The following NFATC4 variants were observed in gnomAD, a reference collection of about 807,000 sequenced individuals.
The protein encoded by NFATC4 is nuclear factor of activated T-cells, cytoplasmic 4.
Under a neutral mutation model 73.4 loss-of-function variants are expected in NFATC4, and 25 were observed. The observed-to-expected ratio is 0.34, with a 90% confidence interval of 0.25 to 0.48. The LOEUF (loss-of-function observed/expected upper bound fraction) is 0.48. NFATC4 is among the 20% of genes least tolerant of loss of function. The probability of loss-of-function intolerance (pLI) is 0.99; values close to 1 mark genes in which losing one functional copy is unlikely to be tolerated. For missense variants in NFATC4, 1,130 were observed against 1,203.7 expected (o/e 0.94, Z 0.91); for synonymous variants, 523 against 510.3 (o/e 1.02, Z -0.34).
intron 1 of NFATC4, chr14:24,368,950 GCCCCCCTT>G: frequency 1.3e-6 from 1 of 786,982 alleles, no homozygotes; most frequent in Non-Finnish European, 1.6e-6. Flanking sequence ...GCTGCCCGCT[GCCCCCCTT>G]CCCCCGGCTG....
At chr14:24,369,312 CA>C (rs771916793) in intron 1 of NFATC4, 186 bp from the exon 2 acceptor site, 1 of 1,583,220 alleles carries the variant, frequency 6.3e-7, no homozygotes, top group South Asian at 1.1e-5. Context: ...AAAGGCCTGG[CA>C]TGCCTGCTTC....
Position 24,373,769 on chromosome 14 carries a change from G to T in NFATC4, c.1634G>T (p.Arg545Leu). ...CGGAAGGGTGAGACGGACATCGGGC[G>T]CAAAAACACACGTGTACGGCTGGTG... ...ELRKGETDIG[R>L]KNTRVRLVFR... Residue 545 changes from arginine to leucine, a missense_variant, in exon 5 of 10, where the codon CGC becomes CTC. By Grantham distance (102) the Arg-to-Leu change is moderately radical (BLOSUM62 -2). This residue lies in a region of NFATC4 where 155 missense variants were observed against 221.2 expected (regional missense o/e 0.70). Transcript: ENST00000250373. This position sits in a 1 kb window ranked among gnomAD's most constrained non-coding sequence, Gnocchi z 4.7. The T allele has an allele frequency of 6.2e-7, 1 of 1,614,128 alleles. No homozygotes were observed. Among genetic ancestry groups the T allele is most frequent in the Non-Finnish European group, 8.5e-7 (1 of 1,180,020 alleles).
Position 24,373,911 on chromosome 14 carries a change from C to G in NFATC4, c.1732+44C>G, listed in dbSNP as rs2042541026. On this transcript the variant is annotated intron_variant, in intron 5 of 9. Coordinates refer to ENST00000250373, the MANE Select transcript of NFATC4 (RefSeq NM_004554.5). This position sits in a 1 kb window ranked among gnomAD's most constrained non-coding sequence, Gnocchi z 4.7. ...GGCCATGTCTCTGTCTCTTGCAACTCTTTTGTCTGTGTGTGTGTGTCTGTC... is the reference window on the plus strand; with the variant it reads ...GGCCATGTCTCTGTCTCTTGCAACTGTTTTGTCTGTGTGTGTGTGTCTGTC... 1.2e-6 allele frequency: 2 copies of G among 1,610,992 alleles called. No individual in the cohort carries two copies. Among genetic ancestry groups the G allele is most frequent in the South Asian group, 1.1e-5 (1 of 90,744 alleles).
In NFATC4 at chr14:24,368,620, C is replaced by T. The variant is rs1293510287; in HGVS notation, c.100+180C>T. Among the ~76,000 whole-genome samples the T allele has an allele frequency of 2.6e-4, 30 of 116,802 alleles. No homozygotes were observed. The Admixed American group carries it at 3.8e-3, about 15-fold the overall frequency. The allele number at this position is 116,802 out of a possible 152,430, so 76.6% of individuals were successfully genotyped here. ...CTGGGGGCCCGGGCACCACTTTCTC[C>T]TTTTTAGGTCGTGACTGGGGTGGGG... On this transcript the variant is annotated intron_variant, in intron 1 of 9. Transcript: ENST00000250373.
chr14:24,378,161 A>G lies in NFATC4; in HGVS notation c.*456A>G, dbSNP rs1349899170. ...AAAGAGATGGAATGTGGCTGGGAAC[A>G]TTGCATCCCAAAGAGCTTCTCAGTG... is the stretch of plus-strand genomic sequence containing the variant. On this transcript the variant is annotated 3_prime_UTR_variant, in exon 10 of 10. Coordinates refer to ENST00000250373, the MANE Select transcript of NFATC4 (RefSeq NM_004554.5). 1 of 176,220 alleles carries G rather than the reference A, an allele frequency of 5.7e-6. No homozygotes were observed. The highest frequency in any genetic ancestry group is 2.3e-5 in the African/African-American group (1 of 42,704). 10.9% of individuals were successfully genotyped at this position (176,220 alleles called of 1,614,324 possible). A position where few individuals can be genotyped will look rare whatever the true frequency, so the allele number is the denominator to read the frequency against.
chr14:24,372,619 C>G lies in NFATC4; in HGVS notation c.1359+16C>G, dbSNP rs1462006205. 1.2e-6 allele frequency: 2 copies of G among 1,613,656 alleles called. No individual in the cohort carries two copies. Among genetic ancestry groups the G allele is most frequent in the Non-Finnish European group, 1.7e-6 (2 of 1,180,004 alleles). ...CGTAGTCAAGGTAAAGGACAGACAG[C>G]AGGCCTGATATCCTCTCTCCTCTCC... On this transcript the variant is annotated intron_variant, in intron 3 of 9. Transcript: ENST00000250373.
rs779897214 is a variant in NFATC4 at position 24,374,389 on chromosome 14, G to C, written c.1796G>C (p.Arg599Thr). 6.2e-7 allele frequency: 1 copy of C among 1,614,062 alleles called. No homozygotes were observed. The highest frequency in any genetic ancestry group is 1.1e-5 in the South Asian group (1 of 91,086). The change falls in exon 6 of 10, where the codon AGA (arginine) becomes ACA (threonine). Residue 599 changes from arginine (R) to threonine (T), a missense_variant. Around this residue, in one of 3 missense-constraint regions of NFATC4, gnomAD observed 390 missense variants for 408.1 expected, o/e 0.96. Transcript: ENST00000250373. ...EAYSPSACSV[R>T]GGEELVLTGS... ...TACAGCCCCAGTGCCTGCTCTGTGA[G>C]AGGAGGCGAGGAACTGGTACTGACT...
intron 2 of NFATC4, 91 bp from the exon 3 acceptor site, chr14:24,372,350 A>G: frequency 7.3e-7 from 1 of 1,364,208 alleles, no homozygotes; most frequent in Non-Finnish European, 1.0e-6. Flanking sequence ...CCTTTCTCTC[A>G]GACCCATACC....
chr14:24,367,020 T>G (rs759274123), upstream of NFATC4: 2 of 1,613,030 alleles, frequency 1.2e-6, no homozygotes, highest in Admixed American at 1.7e-5. Flanking sequence ...ACGCGGCCTC[T>G]AAGAGAGGTT....
chr14:24,372,602 A>C lies in NFATC4; in HGVS notation c.1358A>C (p.Lys453Thr). Residue 453 changes from lysine (K) to threonine (T), a missense_variant and splice_region_variant, in exon 3 of 10, where the codon AAG (lysine) becomes ACG (threonine). Physicochemically the swap from Lys to Thr is moderately conservative, Grantham distance 78 (BLOSUM62 -1). Transcript: ENST00000250373. ...GCCCCTGGCGGTCACCCCGTAGTCA[A>C]GGTAAAGGACAGACAGCAGGCCTGA... is the stretch of plus-strand genomic sequence containing the variant. Reference protein sequence around the residue: ...KAAPGGHPVVKLLGYSEKPLT... With the variant: ...KAAPGGHPVVTLLGYSEKPLT... 6.2e-7 allele frequency: 1 copy of C among 1,613,938 alleles called. No homozygotes were observed. Among genetic ancestry groups the C allele is most frequent in the South Asian group, 1.1e-5 (1 of 91,084 alleles).
chr14:24,376,630 C>G lies in NFATC4; in HGVS notation c.2393C>G (p.Ser798Cys), dbSNP rs920557882. Residue 798 changes from serine (S) to cysteine (C), a missense_variant, in exon 9 of 10, where the codon TCT (serine) becomes TGT (cysteine). Ser to Cys is a moderately radical substitution (Grantham distance 112). Around this residue, in one of 3 missense-constraint regions of NFATC4, gnomAD observed 390 missense variants for 408.1 expected, o/e 0.96. Transcript: ENST00000250373. The surrounding 1 kb of genome is among the most constrained non-coding windows in gnomAD (Gnocchi z 5.0). ...PSDPYGGRGSSFSLGLPFSPP... is the reference protein window; with the variant it reads ...PSDPYGGRGSCFSLGLPFSPP... ...GACCCGTATGGAGGGCGGGGCTCCT[C>G]TTTCTCCCTGGGGCTGCCATTCTCT... 1 of 1,613,696 alleles carries G rather than the reference C, an allele frequency of 6.2e-7. No individual in the cohort carries two copies. Among genetic ancestry groups the G allele is most frequent in the Non-Finnish European group, 8.5e-7 (1 of 1,179,876 alleles).
chr14:24,377,621 C>T lies in NFATC4; in HGVS notation c.2642-17C>T. 6.2e-7 allele frequency: 1 copy of T among 1,614,162 alleles called. No homozygotes were observed. The stretch of plus-strand genomic sequence containing the variant: ...ACCCACCTCTAGCCCAGTCTCTCAA[C>T]TGCCCCTCCTTTACAGTGAGTGAGA... On this transcript the variant is annotated splice_polypyrimidine_tract_variant and intron_variant, in intron 9 of 9. Transcript: ENST00000250373. This position sits in a 1 kb window ranked among gnomAD's most constrained non-coding sequence, Gnocchi z 4.2.
rs1480744765 is a variant in NFATC4 at position 24,372,525 on chromosome 14, C to T, written c.1281C>T (p.Ala427=). The T allele has an allele frequency of 1.9e-6, 3 of 1,614,148 alleles. No homozygotes were observed. Among genetic ancestry groups the T allele is most frequent in the South Asian group, 2.2e-5 (2 of 91,084 alleles). ...LELRIEVQPR[A]HHRAHYETEG... is the part of the protein sequence containing the mutation. ...TGAGGATCGAGGTACAGCCTAGAGCCCACCACCGGGCCCACTATGAGACAG... is the reference window on the plus strand; with the variant it reads ...TGAGGATCGAGGTACAGCCTAGAGCTCACCACCGGGCCCACTATGAGACAG... The change falls in exon 3 of 10, where the codon GCC becomes GCT. Residue 427 remains alanine, a synonymous_variant. Transcript: ENST00000250373.
intron 5 of NFATC4, 119 bp from the exon 6 acceptor site, chr14:24,374,207 T>C: frequency 1.6e-6 from 2 of 1,254,032 alleles, no homozygotes; most frequent in Non-Finnish European, 2.2e-6. Flanking sequence ...TTTGTGTGTC[T>C]ACTGCTGAGG....
In NFATC4 at chr14:24,368,273, A is replaced by G; in HGVS notation, c.-68A>G. 4 of 1,362,168 alleles carry G rather than the reference A, an allele frequency of 2.9e-6. No homozygotes were observed. Among genetic ancestry groups the G allele is most frequent in the Non-Finnish European group, 3.8e-6 (4 of 1,056,312 alleles). The allele number at this position is 1,362,168 out of a possible 1,614,324, so 84.4% of individuals were successfully genotyped here. On this transcript the variant is annotated 5_prime_UTR_variant, in exon 1 of 10. Coordinates refer to ENST00000250373, the MANE Select transcript of NFATC4 (RefSeq NM_004554.5). ...AGGGAGGGAGGGAGCCACCCGGGTG[A>G]AGATACAGCAGCCTCCTGAACTCCC...
chr14:24,369,815 G>A lies in NFATC4; in HGVS notation c.417G>A (p.Gly139=). 5 of 1,599,370 alleles carry A rather than the reference G, an allele frequency of 3.1e-6. No individual in the cohort carries two copies. The highest frequency in any genetic ancestry group is 1.1e-5 in the South Asian group (1 of 89,698). The change falls in exon 2 of 10, where the codon GGG becomes GGA. Residue 139 remains glycine, a synonymous_variant. Coordinates refer to ENST00000250373, the MANE Select transcript of NFATC4 (RefSeq NM_004554.5). The part of the protein sequence containing the change: ...AALEDNPDAW[G]DGSPRDYPPP... Reference sequence around the variant, plus strand: ...TGGAGGACAACCCTGATGCCTGGGGGGACGGCTCTCCTAGAGATTACCCCC... The same window carrying A: ...TGGAGGACAACCCTGATGCCTGGGGAGACGGCTCTCCTAGAGATTACCCCC...
Position 24,368,351 on chromosome 14 carries a change from C to T in NFATC4, c.11C>T (p.Ala4Val). ...GCTCCTGCCGGATCCATGGGGGCGG[C>T]CAGCTGCGAGGATGAGGAGCTGGAA... is the stretch of plus-strand genomic sequence containing the variant. MGA[A>V]SCEDEELEFK... Residue 4 changes from alanine (A) to valine (V), a missense_variant, in exon 1 of 10, where the codon GCC becomes GTC. Physicochemically the swap from Ala to Val is moderately conservative, Grantham distance 64. This residue lies in a region of NFATC4 where 585 missense variants were observed against 574.3 expected (regional missense o/e 1.02). Transcript: ENST00000250373. 2.2e-6 allele frequency: 3 copies of T among 1,382,636 alleles called. No individual in the cohort carries two copies. Among genetic ancestry groups the T allele is most frequent in the Non-Finnish European group, 2.8e-6 (3 of 1,069,118 alleles). The allele number at this position is 1,382,636 out of a possible 1,614,324, so 85.6% of individuals were successfully genotyped here.
Position 24,372,865 on chromosome 14 carries a change from G to T in NFATC4, c.1359+262G>T, listed in dbSNP as rs1271754411. On this transcript the variant is annotated intron_variant, in intron 3 of 9. Coordinates refer to ENST00000250373, the MANE Select transcript of NFATC4 (RefSeq NM_004554.5). ...GGAAAATGGTGGCCCGCCAGATATG[G>T]GGGAGGGTTTAGGCTGAGGACAAAA... is the stretch of plus-strand genomic sequence containing the variant. The T allele has an allele frequency of 8.3e-6, 5 of 604,848 alleles. No homozygotes were observed. The South Asian group carries it at 1.0e-4, about 12-fold the overall frequency. The allele number at this position is 604,848 out of a possible 1,614,324, so 37.5% of individuals were successfully genotyped here.
rs764933070 is a variant in NFATC4 at position 24,369,578 on chromosome 14, T to A, written c.180T>A (p.Gly60=). 2.5e-5 allele frequency: 40 copies of A among 1,612,226 alleles called. No individual in the cohort carries two copies. The highest frequency in any genetic ancestry group is 2.9e-5 in the Non-Finnish European group (34 of 1,179,198). The change falls in exon 2 of 10, where the codon GGT becomes GGA. Residue 60 remains glycine, a synonymous_variant. Coordinates refer to ENST00000250373, the MANE Select transcript of NFATC4 (RefSeq NM_004554.5). ...EPPPYGAAPI[G]IPRPPPPRPG... ...CTCCCTATGGCGCTGCACCTATCGGTATTCCCCGACCTCCACCCCCTCGGC... is the reference window on the plus strand; with the variant it reads ...CTCCCTATGGCGCTGCACCTATCGGAATTCCCCGACCTCCACCCCCTCGGC...
Sources: allele counts gnomAD v4.1 joint callset (sites outside exome capture counted in the v4.1 genomes callset), GRCh38; gene constraint gnomAD v4.1.1; regional missense constraint gnomAD v4.1.1; non-coding constraint Gnocchi (gnomAD v3.1); transcripts MANE v1.5; gene names NCBI Gene and HGNC (gene_info 2026-07-23, HGNC 2026-07-21).